The following CACHD1 variants were observed in gnomAD, a reference collection of about 807,000 sequenced individuals.
CACHD1 encodes VWFA and cache domain-containing protein 1.
CACHD1 carries 71 observed loss-of-function variants against 138.7 expected under a neutral mutation model. That is an observed-to-expected ratio of 0.51 (90% confidence interval 0.42 to 0.62). The LOEUF (loss-of-function observed/expected upper bound fraction) is 0.62. Among genes scored for constraint, CACHD1 ranks in the 20% least tolerant of loss-of-function variants. The pLI is 0.00. For synonymous variants in CACHD1, 578 were observed against 591.5 expected (o/e 0.98, Z 0.33); for missense variants, 1,389 against 1,625.3 (o/e 0.85, Z 2.50).
intron 4 of CACHD1, among the ~76,000 whole-genome samples, chr1:64,618,202 C>T (rs553055355): frequency 2.8e-4 from 43 of 152,080 alleles, no homozygotes; most frequent in South Asian, 8.3e-4. Flanking sequence ...AAACAAATAG[C>T]AATAACAATG....
At chr1:64,492,311 C>G (rs919884880) in intron 1 of CACHD1, among the ~76,000 whole-genome samples, 24 of 145,882 alleles carry the variant, frequency 1.6e-4, no homozygotes, top group African/African-American at 5.9e-4. Context: ...TGAAGAATAA[C>G]GGCACTTGTA....
chr1:64,478,635 A>G (rs966623135), intron 1 of CACHD1, among the ~76,000 whole-genome samples: 5 of 152,176 alleles, frequency 3.3e-5, no homozygotes, highest in African/African-American at 1.2e-4. Flanking sequence ...TCCTATCCAG[A>G]GAGGCTAAAC....
chr1:64,617,720 C>A (rs1167189376), intron 4 of CACHD1, among the ~76,000 whole-genome samples: 1 of 152,180 alleles, frequency 6.6e-6, no homozygotes, highest in Non-Finnish European at 1.5e-5. Context: ...TGGCCTATGT[C>A]CCATTCAGGT....
At chr1:64,479,394 C>T (rs1247664705) in intron 1 of CACHD1, among the ~76,000 whole-genome samples, 1 of 152,108 alleles carries the variant, frequency 6.6e-6, no homozygotes, top group East Asian at 1.9e-4. Context: ...GGCAGGCCTC[C>T]CTAAGAAAGT....
At chr1:64,541,289 A>G (rs1646674977) in intron 1 of CACHD1, among the ~76,000 whole-genome samples, 1 of 152,256 alleles carries the variant, frequency 6.6e-6, no homozygotes, top group Non-Finnish European at 1.5e-5. Context: ...TTGTCAAGGA[A>G]TTAACAATAA....
At position 64,537,264 on chromosome 1, in the gene CACHD1, GA is replaced by G. The variant is rs35844892; in HGVS notation, c.199-13318del. ...CCCAGTACTTATGCTGCCCTGCCCAGAAAAAAAAAAAATTGTTTGTTGAGCG... is the reference window on the plus strand; with the variant it reads ...CCCAGTACTTATGCTGCCCTGCCCAGAAAAAAAAAAATTGTTTGTTGAGCG... On this transcript the variant is annotated intron_variant, in intron 1 of 26. Transcript: ENST00000651257. 7.4e-3 allele frequency among the ~76,000 whole-genome samples: 1,111 copies of G among 150,986 alleles called. 9 individuals are homozygous for G. The highest frequency in any genetic ancestry group is 0.025 in the African/African-American group (1,004 of 40,852).
intron 4 of CACHD1, among the ~76,000 whole-genome samples, chr1:64,614,958 G>A (rs1396001510): frequency 6.6e-6 from 1 of 152,016 alleles, no homozygotes; most frequent in Non-Finnish European, 1.5e-5. Context: ...TTTCTCAAAA[G>A]CCTCTGATGG....
intron 4 of CACHD1, among the ~76,000 whole-genome samples, chr1:64,620,264 T>C (rs1043027512): frequency 3.3e-5 from 5 of 152,216 alleles, no homozygotes; most frequent in African/African-American, 1.2e-4. Context: ...AGTGAATATC[T>C]ATATATCTTC....
chr1:64,634,374 G>GTA (rs151171151), intron 7 of CACHD1, 114 bp downstream of exon 7: 6 of 259,736 alleles, frequency 2.3e-5, no homozygotes, highest in Non-Finnish European at 1.5e-5. Flanking sequence ...ATTTATTTAT[G>GTA]TATGTATTTA....
intron 1 of CACHD1, among the ~76,000 whole-genome samples, chr1:64,488,984 A>T (rs1646258899): frequency 6.6e-6 from 1 of 152,130 alleles, no homozygotes; most frequent in Non-Finnish European, 1.5e-5. Flanking sequence ...ACAGCAGGGG[A>T]TGAGGGTCAG....
intron 10 of CACHD1, among the ~76,000 whole-genome samples, chr1:64,653,404 A>G (rs2100683739): frequency 1.3e-5 from 2 of 151,926 alleles, no homozygotes; most frequent in East Asian, 1.9e-4. Context: ...AAAAAAAAAA[A>G]AAAAGAAGAA....
chr1:64,634,048 C>A lies in CACHD1; in HGVS notation c.794C>A (p.Ser265Tyr). Residue 265 changes from serine (S) to tyrosine (Y), a missense_variant, in exon 7 of 27, where the codon TCT becomes TAT. By Grantham distance (144) the Ser-to-Tyr change is moderately radical. This residue lies in a region of CACHD1 where 1,000 missense variants were observed against 1,114.7 expected (regional missense o/e 0.90). Coordinates refer to ENST00000651257, the MANE Select transcript of CACHD1 (RefSeq NM_020925.4). ...LSAIDEHDKISVLTVADTVRT... is the reference protein window; with the variant it reads ...LSAIDEHDKIYVLTVADTVRT... ...TTTTTTTTTTCTTTCCTGCAGATTT[C>A]TGTGTTAACTGTGGCAGATACCGTC... 1.3e-6 allele frequency: 2 copies of A among 1,503,902 alleles called. No homozygotes were observed. The highest frequency in any genetic ancestry group is 1.8e-6 in the Non-Finnish European group (2 of 1,112,004). 93.2% of individuals were successfully genotyped at this position (1,503,902 alleles called of 1,614,324 possible). A position where few individuals can be genotyped will look rare whatever the true frequency, so the allele number is the denominator to read the frequency against.
chr1:64,599,891 G>C (rs1047449346), intron 3 of CACHD1, among the ~76,000 whole-genome samples: 7 of 152,252 alleles, frequency 4.6e-5, no homozygotes, highest in African/African-American at 1.7e-4. Flanking sequence ...ACTTCATCCA[G>C]ATAGACAAAG....
chr1:64,488,687 A>C (rs1646257224), intron 1 of CACHD1, among the ~76,000 whole-genome samples: 1 of 152,040 alleles, frequency 6.6e-6, no homozygotes, highest in Non-Finnish European at 1.5e-5. Context: ...ACATTGAGCT[A>C]TTCTTACTTT....
chr1:64,544,959 G>A (rs777677713), intron 1 of CACHD1, among the ~76,000 whole-genome samples: 1 of 152,138 alleles, frequency 6.6e-6, no homozygotes, highest in Non-Finnish European at 1.5e-5. Flanking sequence ...CAATTAAAAT[G>A]TAGCCTCGGG....
At chr1:64,621,904 T>C (rs1029149590) in intron 4 of CACHD1, among the ~76,000 whole-genome samples, 1 of 152,172 alleles carries the variant, frequency 6.6e-6, no homozygotes, top group Admixed American at 6.5e-5. Flanking sequence ...GGATTTGATT[T>C]ACATTTTAGA....
At chr1:64,675,203 A>C (rs1033926904) in intron 19 of CACHD1, among the ~76,000 whole-genome samples, 198 bp from the exon 20 acceptor site, 1 of 152,214 alleles carries the variant, frequency 6.6e-6, no homozygotes, top group African/African-American at 2.4e-5. Flanking sequence ...GTTCAATGGG[A>C]GATATCTCTG....
Position 64,603,724 on chromosome 1 carries a change from C to T in CACHD1, c.517+812C>T, listed in dbSNP as rs375061837. On this transcript the variant is annotated intron_variant, in intron 4 of 26. Coordinates refer to ENST00000651257, the MANE Select transcript of CACHD1 (RefSeq NM_020925.4). The stretch of plus-strand genomic sequence containing the variant: ...ACTCAGCTGAAGGTGGTGTTAATAA[C>T]TACTGGGTACTCATATTTATATAAC... Among the ~76,000 whole-genome samples the T allele has an allele frequency of 3.5e-4, 54 of 152,276 alleles. 1 individual carries two copies. The highest frequency in any genetic ancestry group is 1.2e-3 in the African/African-American group (51 of 41,550).
intron 1 of CACHD1, 67 bp downstream of exon 1, chr1:64,471,009 C>T: frequency 6.9e-7 from 1 of 1,459,358 alleles, no homozygotes; most frequent in Non-Finnish European, 9.2e-7. Flanking sequence ...ATCCCACTCC[C>T]GGTACAAGTC....
Sources: allele counts gnomAD v4.1 joint callset (sites outside exome capture counted in the v4.1 genomes callset), GRCh38; gene constraint gnomAD v4.1.1; regional missense constraint gnomAD v4.1.1; transcripts MANE v1.5; gene names NCBI Gene and HGNC (gene_info 2026-07-23, HGNC 2026-07-21).